TSNARE1: variants seen among roughly 807,000 people sequenced by gnomAD.
TSNARE1 encodes t-SNARE domain containing 1.
In TSNARE1, 49 loss-of-function variants were observed where a neutral mutation model predicts 62.0. That is an observed-to-expected ratio of 0.79 (90% CI 0.63 to 1.00). TSNARE1 has a LOEUF of 1.00. Among genes scored for constraint, TSNARE1 ranks in the 50% least tolerant of loss-of-function variants. The pLI, the probability that TSNARE1 is intolerant of heterozygous loss-of-function variation, is 0.00. For synonymous variants in TSNARE1, 328 were observed against 294.4 expected (o/e 1.11, Z -1.17); for missense variants, 755 against 700.1 (o/e 1.08, Z -0.88).
chr8:142,395,482 G>A (rs368542258), intron 1 of TSNARE1, among the ~76,000 whole-genome samples: 20 of 152,298 alleles, frequency 1.3e-4, no homozygotes, highest in Non-Finnish European at 2.5e-4. Context: ...CGGAGTCAGC[G>A]CAGCAGGTTT....
intron 12 of TSNARE1, chr8:142,274,401 C>G: frequency 1.0e-6 from 1 of 985,480 alleles, no homozygotes; most frequent in Non-Finnish European, 1.2e-6. Flanking sequence ...GCCCCAACCA[C>G]AAAGTCCCCT....
intron 6 of TSNARE1, among the ~76,000 whole-genome samples, chr8:142,324,748 G>A (rs770283063): frequency 7.9e-5 from 12 of 152,154 alleles, no homozygotes; most frequent in East Asian, 1.9e-4. Flanking sequence ...CCCTGGCACC[G>A]GGTCCCGAGC....
At chr8:142,401,692 A>G (rs570044094) in intron 1 of TSNARE1, among the ~76,000 whole-genome samples, 2 of 152,292 alleles carry the variant, frequency 1.3e-5, no homozygotes, top group South Asian at 2.1e-4. Flanking sequence ...GGGCCAGGCC[A>G]GCAGAGGAGG....
At chr8:142,256,539 TCACCACCATCAC>T (rs1818587399) in intron 12 of TSNARE1, among the ~76,000 whole-genome samples, 1 of 41,560 alleles carries the variant, frequency 2.4e-5, no homozygotes, top group African/African-American at 4.9e-5. Flanking sequence ...ACCATCACCA[TCACCACCATCAC>T]CATCACCACC....
At chr8:142,243,009 C>T (rs958505807) in intron 12 of TSNARE1, among the ~76,000 whole-genome samples, 1 of 145,824 alleles carries the variant, frequency 6.9e-6, no homozygotes, top group Admixed American at 6.9e-5. Context: ...CAGCACTATT[C>T]ATCAGGAAAG....
chr8:142,251,889 C>T (rs113308757), intron 12 of TSNARE1, among the ~76,000 whole-genome samples: 10 of 142,330 alleles, frequency 7.0e-5, no homozygotes, highest in African/African-American at 1.3e-4. Flanking sequence ...CTTCAGGGCC[C>T]GGGCACCATG....
chr8:142,304,651 AGGGGATGG>A (rs1292136370), intron 9 of TSNARE1, among the ~76,000 whole-genome samples: 1 of 152,128 alleles, frequency 6.6e-6, no homozygotes, highest in Non-Finnish European at 1.5e-5. Context: ...TTTCACTTCC[AGGGGATGG>A]AGCTGACCTC....
chr8:142,401,516 A>T (rs1838292272), intron 1 of TSNARE1, among the ~76,000 whole-genome samples: 1 of 152,156 alleles, frequency 6.6e-6, no homozygotes, highest in South Asian at 2.1e-4. Flanking sequence ...GGCCATGAGG[A>T]GCTGTGGAAG....
intron 1 of TSNARE1, among the ~76,000 whole-genome samples, chr8:142,371,758 G>A (rs995614575): frequency 1.3e-5 from 2 of 152,036 alleles, no homozygotes; most frequent in Admixed American, 6.5e-5. Flanking sequence ...TGAGCTAAAC[G>A]CCAACTCTTA....
intron 4 of TSNARE1, among the ~76,000 whole-genome samples, chr8:142,333,499 G>A (rs1312215811): frequency 6.6e-6 from 1 of 152,168 alleles, no homozygotes; most frequent in Non-Finnish European, 1.5e-5. Flanking sequence ...GGGGTGCCGA[G>A]GGGACCCTCC....
intron 12 of TSNARE1, among the ~76,000 whole-genome samples, chr8:142,247,029 GACGATGTCCTGT>G: frequency 6.6e-6 from 1 of 152,338 alleles, no homozygotes; most frequent in South Asian, 2.1e-4. Context: ...GCTATGGCCA[GACGATGTCCTGT>G]ACATGCAGCT....
intron 1 of TSNARE1, among the ~76,000 whole-genome samples, chr8:142,368,854 G>A (rs1835738181): frequency 6.6e-6 from 1 of 152,208 alleles, no homozygotes. Flanking sequence ...CACCCACAGT[G>A]GCTAAGGAAG....
In TSNARE1 at chr8:142,363,338, C is replaced by T. The variant is rs764102871; in HGVS notation, c.-39-8575G>A. Among the ~76,000 whole-genome samples, 6 of 152,246 alleles carry T rather than the reference C, an allele frequency of 3.9e-5. No individual in the cohort carries two copies. In the East Asian group the frequency reaches 5.8e-4, roughly 15 times the overall value. ...AGAAAATGTCATACAGATCCATCACCGGTGGAGGTGGCCTGGGGAGACGTG... is the reference window on the plus strand; with the variant it reads ...AGAAAATGTCATACAGATCCATCACTGGTGGAGGTGGCCTGGGGAGACGTG... On this transcript the variant is annotated intron_variant, in intron 1 of 13. Coordinates refer to ENST00000524325, the MANE Select transcript of TSNARE1 (RefSeq NM_145003.5).
intron 2 of TSNARE1, among the ~76,000 whole-genome samples, chr8:142,352,665 G>A (rs1834256818): frequency 1.3e-5 from 2 of 152,272 alleles, no homozygotes; most frequent in Non-Finnish European, 2.9e-5. Context: ...CGTAAAAGCA[G>A]CACGACACGG....
At position 142,278,989 on chromosome 8, in the gene TSNARE1, G is replaced by A. The variant is rs895310509; in HGVS notation, c.1364-4126C>T. Among the ~76,000 whole-genome samples the A allele has an allele frequency of 3.3e-5, 5 of 152,246 alleles. 1 individual carries two copies. The highest frequency in any genetic ancestry group is 3.3e-4 in the Admixed American group (5 of 15,294). On this transcript the variant is annotated intron_variant, in intron 11 of 13. Coordinates refer to ENST00000524325, the MANE Select transcript of TSNARE1 (RefSeq NM_145003.5). Reference sequence around the variant, plus strand: ...CTGGGAGCTATGTCAAGGGCCAGCTGGCTGGAGGTGCATATGGGCTGAGGC... The same window carrying A: ...CTGGGAGCTATGTCAAGGGCCAGCTAGCTGGAGGTGCATATGGGCTGAGGC...
chr8:142,306,907 C>A (rs114589241), intron 9 of TSNARE1, among the ~76,000 whole-genome samples: 1,665 of 152,304 alleles, frequency 0.011, 30 homozygotes, highest in African/African-American at 0.037. Flanking sequence ...AAACACATCC[C>A]AGCCAAGACA....
chr8:142,256,178 TC>T (rs1818525610), intron 12 of TSNARE1, among the ~76,000 whole-genome samples: 10 of 47,854 alleles, frequency 2.1e-4, no homozygotes, highest in Non-Finnish European at 2.6e-4. Flanking sequence ...ACCATCACCA[TC>T]ACCACCACCA....
intron 1 of TSNARE1, among the ~76,000 whole-genome samples, chr8:142,363,306 C>T (rs1048562382): frequency 1.1e-4 from 17 of 152,318 alleles, no homozygotes; most frequent in African/African-American, 3.6e-4. Context: ...TGGCCCTGCC[C>T]TCTGTAAGAA....
At chr8:142,313,324 GTC>G (rs1461412422) in intron 9 of TSNARE1, among the ~76,000 whole-genome samples, 1 of 151,686 alleles carries the variant, frequency 6.6e-6, no homozygotes, top group East Asian at 1.9e-4. Context: ...GCATGTCTGT[GTC>G]TCTGTGTGTT....
Sources: allele counts gnomAD v4.1 joint callset (sites outside exome capture counted in the v4.1 genomes callset), GRCh38; gene constraint gnomAD v4.1.1; transcripts MANE v1.5; gene names NCBI Gene and HGNC (gene_info 2026-07-23, HGNC 2026-07-21).